The following CDH11 variants were observed in gnomAD, a reference collection of about 807,000 sequenced individuals.
The protein encoded by CDH11 is cadherin 11.
A neutral mutation model predicts 67.8 loss-of-function variants in CDH11; 11 were observed. The observed-to-expected ratio is 0.16, with a 90% CI of 0.10 to 0.27. CDH11 has a LOEUF of 0.27. Ranked by LOEUF, CDH11 falls within the 10% of genes least tolerant of loss-of-function variation. The pLI, the probability that CDH11 is intolerant of heterozygous loss-of-function variation, is 1.00. For synonymous variants in CDH11, 419 were observed against 400.0 expected, an observed-to-expected ratio of 1.05 and a Z score of -0.57; for missense variants, 847 against 1,031.2, an observed-to-expected ratio of 0.82 and a Z score of 2.45.
intron 2 of CDH11, among the ~76,000 whole-genome samples, chr16:65,023,880 T>A (rs534723737): frequency 2.6e-5 from 4 of 152,220 alleles, no homozygotes; most frequent in African/African-American, 9.6e-5. Context: ...TATCCCTTCA[T>A]CAGCAGGGTC....
intron 1 of CDH11, among the ~76,000 whole-genome samples, chr16:65,094,068 T>C (rs926576811): frequency 3.9e-5 from 6 of 152,156 alleles, no homozygotes; most frequent in African/African-American, 4.8e-5. Flanking sequence ...ATTTAAGGCC[T>C]CTCCTCTTCT....
intron 2 of CDH11, among the ~76,000 whole-genome samples, chr16:65,037,686 C>T (rs929523337): frequency 2.6e-5 from 4 of 152,228 alleles, no homozygotes; most frequent in South Asian, 2.1e-4. Context: ...CCCTTGGGAC[C>T]GTCCGCATCC....
At chr16:64,971,420 G>A (rs2072001722) in intron 11 of CDH11, among the ~76,000 whole-genome samples, 159 bp downstream of exon 11, 1 of 152,126 alleles carries the variant, frequency 6.6e-6, no homozygotes, top group Non-Finnish European at 1.5e-5. Context: ...TGCATCAAAT[G>A]AGCCCATGTT....
chr16:64,958,726 T>C (rs1357771066), intron 11 of CDH11, among the ~76,000 whole-genome samples: 1 of 152,120 alleles, frequency 6.6e-6, no homozygotes, highest in African/African-American at 2.4e-5. Flanking sequence ...ATATCCACAA[T>C]AGGTTGGTTA....
intron 2 of CDH11, among the ~76,000 whole-genome samples, chr16:65,047,562 G>A (rs1207822678): frequency 6.6e-6 from 1 of 151,992 alleles, no homozygotes; most frequent in Non-Finnish European, 1.5e-5. Flanking sequence ...ATGTTGGCCA[G>A]GATGGTCTCG....
intron 2 of CDH11, among the ~76,000 whole-genome samples, chr16:65,037,855 C>A (rs1484592489): frequency 2.0e-5 from 3 of 151,890 alleles, no homozygotes; most frequent in Non-Finnish European, 4.4e-5. Flanking sequence ...AGTCACTTGC[C>A]CAGTAGGAGG....
At chr16:64,984,037 C>T (rs1018270685) in intron 7 of CDH11, among the ~76,000 whole-genome samples, 40 of 152,304 alleles carry the variant, frequency 2.6e-4, no homozygotes, top group African/African-American at 9.1e-4. Flanking sequence ...TGCAGTTTCA[C>T]ATCCCAAGCT....
intron 1 of CDH11, among the ~76,000 whole-genome samples, chr16:65,101,706 C>T (rs998939068): frequency 7.2e-5 from 11 of 152,156 alleles, no homozygotes; most frequent in African/African-American, 2.4e-4. Context: ...CAATACATCA[C>T]ATTGCCGTGT....
In CDH11 at chr16:65,058,338, G is replaced by A. The variant is rs557373550; in HGVS notation, c.-297-4410C>T. On this transcript the variant is annotated intron_variant, in intron 1 of 12. Coordinates refer to ENST00000268603, the MANE Select transcript of CDH11 (RefSeq NM_001797.4). ...AATTAAATGTTTACATGTTACTGTT[G>A]TATAAACAAGTGAAATATCAGGTTT... 2.6e-5 allele frequency among the ~76,000 whole-genome samples: 4 copies of A among 152,350 alleles called. No homozygotes were observed. In the South Asian group the frequency reaches 6.2e-4, roughly 24 times the overall value.
intron 1 of CDH11, among the ~76,000 whole-genome samples, chr16:65,114,242 G>A (rs1276657000): frequency 1.3e-5 from 2 of 152,144 alleles, no homozygotes; most frequent in Non-Finnish European, 2.9e-5. Flanking sequence ...TGGATCAGAG[G>A]ATCTCAGAAG....
chr16:65,032,073 G>A lies in CDH11; in HGVS notation c.-173+21731C>T, dbSNP rs542546525. ...AGAGTGAATCAATGGGGGAGGTGAT[G>A]GAATAAAGGCAAAGGAAAATATCAT... On this transcript the variant is annotated intron_variant, in intron 2 of 12. Transcript: ENST00000268603. Among the ~76,000 whole-genome samples, 31 of 152,178 alleles carry A rather than the reference G, an allele frequency of 2.0e-4. No homozygotes were observed. In the Middle Eastern group the frequency reaches 0.01, roughly 50 times the overall value.
chr16:65,078,903 G>A (rs1419586550), intron 1 of CDH11, among the ~76,000 whole-genome samples: 3 of 152,140 alleles, frequency 2.0e-5, no homozygotes, highest in Non-Finnish European at 2.9e-5. Flanking sequence ...GTATAATCCA[G>A]CTGTTTTTGT....
intron 1 of CDH11, among the ~76,000 whole-genome samples, chr16:65,090,713 T>G (rs1343701593): frequency 1.3e-5 from 2 of 152,252 alleles, no homozygotes; most frequent in East Asian, 3.8e-4. Flanking sequence ...GTGAAAAATG[T>G]AGATAGTAGA....
intron 3 of CDH11, among the ~76,000 whole-genome samples, chr16:65,003,903 C>G (rs559996510): frequency 2.6e-5 from 4 of 152,274 alleles, no homozygotes; most frequent in Non-Finnish European, 2.9e-5. Context: ...GTGAAGTAGA[C>G]AGATTAATAA....
rs574047218 is a variant in CDH11 at position 64,992,464 on chromosome 16, C to T, written c.643+451G>A. Among the ~76,000 whole-genome samples, 4 of 152,298 alleles carry T rather than the reference C, an allele frequency of 2.6e-5. No homozygotes were observed. In the South Asian group the frequency reaches 8.3e-4, roughly 32 times the overall value. Reference sequence around the variant, plus strand: ...ATAAGCACATACTGTCTATTATCACCTGTCACGGAAAACAATGATAAATTA... The same window carrying T: ...ATAAGCACATACTGTCTATTATCACTTGTCACGGAAAACAATGATAAATTA... On this transcript the variant is annotated intron_variant, in intron 5 of 12. Coordinates refer to ENST00000268603, the MANE Select transcript of CDH11 (RefSeq NM_001797.4).
intron 2 of CDH11, among the ~76,000 whole-genome samples, chr16:65,006,130 G>A (rs916023551): frequency 6.6e-6 from 1 of 152,092 alleles, no homozygotes; most frequent in Non-Finnish European, 1.5e-5. Context: ...CCATACATTT[G>A]TTTTCTGGAG....
At chr16:64,951,167 G>A in intron 11 of CDH11, 149 bp from the exon 12 acceptor site, 4 of 751,992 alleles carry the variant, frequency 5.3e-6, no homozygotes, top group Non-Finnish European at 6.3e-6. Flanking sequence ...AAGTATCTGC[G>A]GAAGCCACAG....
intron 1 of CDH11, among the ~76,000 whole-genome samples, chr16:65,118,021 G>C (rs988275594): frequency 2.0e-4 from 31 of 152,148 alleles, no homozygotes; most frequent in African/African-American, 6.3e-4. Context: ...CCAACTGCTC[G>C]AGCAGTAGCT....
rs199552511 is a variant in CDH11, at chr16:65,109,128, TA to T, written c.-298+12751del. 6.7e-3 allele frequency among the ~76,000 whole-genome samples: 1,013 copies of T among 152,144 alleles called. 15 individuals are homozygous for T. Among genetic ancestry groups the T allele is most frequent in the African/African-American group, 0.023 (962 of 41,508 alleles). On this transcript the variant is annotated intron_variant, in intron 1 of 12. Coordinates refer to ENST00000268603, the MANE Select transcript of CDH11 (RefSeq NM_001797.4). Reference sequence around the variant, plus strand: ...CGCCACTCTACTCCAGCCTGGGTGATAGAGTGAGACTCTGTTTCGAAAAAAA... The same window carrying T: ...CGCCACTCTACTCCAGCCTGGGTGATGAGTGAGACTCTGTTTCGAAAAAAA...
Sources: allele counts gnomAD v4.1 joint callset (sites outside exome capture counted in the v4.1 genomes callset), GRCh38; gene constraint gnomAD v4.1.1; transcripts MANE v1.5; gene names NCBI Gene and HGNC (gene_info 2026-07-23, HGNC 2026-07-21).